PRR5: variants seen among roughly 807,000 people sequenced by gnomAD.
PRR5 encodes proline-rich protein 5.
Under a neutral mutation model 30.6 loss-of-function variants are expected in PRR5, and 25 were observed. The observed-to-expected ratio is 0.82, with a 90% confidence interval of 0.60 to 1.14. The LOEUF (loss-of-function observed/expected upper bound fraction) is 1.14, where lower values mean the gene tolerates loss of function less well. Ranked by LOEUF, PRR5 falls within the 50% of genes most tolerant of loss-of-function variation. The pLI, the probability that PRR5 is intolerant of heterozygous loss-of-function variation, is 0.00. For missense variants in PRR5, 600 were observed against 547.1 expected (o/e 1.10, Z -0.96); for synonymous variants, 286 against 247.1 (o/e 1.16, Z -1.48).
At chr22:44,682,704 T>C (rs1466238559) in intron 1 of PRR5, among the ~76,000 whole-genome samples, 3 of 152,158 alleles carry the variant, frequency 2.0e-5, no homozygotes, top group Non-Finnish European at 4.4e-5. Flanking sequence ...GACACGGGAA[T>C]GTCGCAGAGA....
intron 1 of PRR5, among the ~76,000 whole-genome samples, chr22:44,711,637 A>G (rs1432233728): frequency 6.6e-6 from 1 of 152,176 alleles, no homozygotes; most frequent in Admixed American, 6.5e-5. Flanking sequence ...CCCTGGCTAC[A>G]CCGCTGCACT....
chr22:44,737,252 T>A lies in PRR5; in HGVS notation c.*5T>A, dbSNP rs780791192. 6.3e-7 allele frequency: 1 copy of A among 1,591,602 alleles called. No individual in the cohort carries two copies. The highest frequency in any genetic ancestry group is 1.1e-5 in the South Asian group (1 of 89,260). ...GGCCGGCAGAGTGTCGTGTGAGGCC[T>A]CACAGCTGGCCTTGAGTTTTTACTG... On this transcript the variant is annotated 3_prime_UTR_variant, in exon 8 of 8. Transcript: ENST00000336985.
intron 4 of PRR5, 95 bp from the exon 5 acceptor site, chr22:44,731,635 C>A: frequency 7.7e-7 from 1 of 1,294,466 alleles, no homozygotes; most frequent in East Asian, 2.4e-5. Context: ...AGCCCAGGCC[C>A]TCCACTCCCG....
intron 2 of PRR5, among the ~76,000 whole-genome samples, chr22:44,716,422 G>C (rs747920873): frequency 6.6e-6 from 1 of 152,220 alleles, no homozygotes; most frequent in Non-Finnish European, 1.5e-5. Flanking sequence ...CGTAATTTCA[G>C]CACATTGGGA....
In PRR5 at chr22:44,731,684, T is replaced by A. The variant is rs767265677; in HGVS notation, c.323-46T>A. 3.1e-6 allele frequency: 5 copies of A among 1,597,560 alleles called. No homozygotes were observed. The South Asian group carries it at 5.5e-5, about 18-fold the overall frequency. On this transcript the variant is annotated intron_variant, in intron 4 of 7. Transcript: ENST00000336985. ...CCCATCCTGGGTGAGTGGAGGCATC[T>A]GCCCGCGCCAGTCAGGCCCAGTGGT...
intron 2 of PRR5, among the ~76,000 whole-genome samples, chr22:44,722,170 GT>G (rs1286432464): frequency 6.6e-6 from 1 of 152,210 alleles, no homozygotes; most frequent in Non-Finnish European, 1.5e-5. Flanking sequence ...AAGGGAGGAG[GT>G]TGGGCCTCAA....
rs1926436777 is a variant in PRR5, at chr22:44,702,284, C to T, written c.-191C>T. 2 of 1,145,300 alleles carry T rather than the reference C, an allele frequency of 1.7e-6. No homozygotes were observed. Among genetic ancestry groups the T allele is most frequent in the Non-Finnish European group, 2.2e-6 (2 of 929,470 alleles). The allele number at this position is 1,145,300 out of a possible 1,614,324, so 70.9% of individuals were successfully genotyped here. On this transcript the variant is annotated 5_prime_UTR_variant, in exon 1 of 8. Coordinates refer to ENST00000336985, the MANE Select transcript of PRR5 (RefSeq NM_181333.4). ...CCTCTCCGTGCAATGATTAACCCGG[C>T]GGGGCGGCCGGCGCGGGACCCGAGA...
chr22:44,679,636 G>T (rs1009920798), intron 1 of PRR5: 2 of 573,900 alleles, frequency 3.5e-6, no homozygotes, highest in Admixed American at 3.1e-5. Context: ...GAACCCAGGA[G>T]GCGCGGTTGC....
intron 1 of PRR5, among the ~76,000 whole-genome samples, chr22:44,669,248 T>C (rs1333648479): frequency 6.6e-6 from 1 of 151,942 alleles, no homozygotes; most frequent in Non-Finnish European, 1.5e-5. Flanking sequence ...TCCCTCGCCA[T>C]TGCTCCCCCT....
intron 2 of PRR5, among the ~76,000 whole-genome samples, chr22:44,721,236 A>G (rs2349643): frequency 1.3e-5 from 2 of 152,192 alleles, no homozygotes; most frequent in East Asian, 1.9e-4. Context: ...CACACTCCCC[A>G]GGGTGGGAGC....
chr22:44,685,306 C>A (rs1924645183), intron 1 of PRR5, among the ~76,000 whole-genome samples: 3 of 152,186 alleles, frequency 2.0e-5, no homozygotes, highest in Admixed American at 2.0e-4. Context: ...CTCAGTCTCA[C>A]CATCTGTAAA....
chr22:44,712,283 C>A (rs1168345004), intron 1 of PRR5, among the ~76,000 whole-genome samples: 1 of 152,212 alleles, frequency 6.6e-6, no homozygotes, highest in East Asian at 1.9e-4. Flanking sequence ...TCGGCCAGTG[C>A]CCGCTGAGAA....
intron 4 of PRR5, chr22:44,730,815 T>A (rs73418216): frequency 0.011 from 4,800 of 456,812 alleles, 193 homozygotes; most frequent in African/African-American, 0.087. Flanking sequence ...CCCTGGGTCC[T>A]CTGGGCCACT....
chr22:44,725,259 A>G lies in PRR5; in HGVS notation c.231A>G (p.Thr77=), dbSNP rs763587713. 6 of 1,613,790 alleles carry G rather than the reference A, an allele frequency of 3.7e-6. No individual in the cohort carries two copies. Among genetic ancestry groups the G allele is most frequent in the Admixed American group, 3.3e-5 (2 of 60,008 alleles). ...LNEGVRQLLK[T]ELGSFFTEYL... is the part of the protein sequence containing the mutation. ...CCACCCACAGGCAGCTGTTGAAGAC[A>G]GAGCTGGGGTCCTTCTTCACGGAGT... The change falls in exon 3 of 8, where the codon ACA becomes ACG. Residue 77 remains threonine (T), a synonymous_variant. Transcript: ENST00000336985.
chr22:44,734,803 C>A, intron 6 of PRR5: 1 of 625,086 alleles, frequency 1.6e-6, no homozygotes, highest in Non-Finnish European at 2.7e-6. Flanking sequence ...ACCATGGTCT[C>A]CCAGATCCCG....
chr22:44,702,587 G>A lies in PRR5; in HGVS notation c.113G>A (p.Cys38Tyr), dbSNP rs974704855. The change falls in exon 1 of 8, where the codon TGC becomes TAC. Residue 38 changes from cysteine to tyrosine, a missense_variant. Coordinates refer to ENST00000336985, the MANE Select transcript of PRR5 (RefSeq NM_181333.4). ...CGGGGCACGCAGCAGCGCCGGGCCT[G>A]CGCCAACGCCACCTGGAACAGGTAA... ...DERGTQQRRA[C>Y]ANATWNSIHN... is the part of the protein sequence containing the mutation. The A allele has an allele frequency of 2.9e-6, 4 of 1,382,370 alleles. No homozygotes were observed. Among genetic ancestry groups the A allele is most frequent in the African/African-American group, 3.1e-5 (2 of 65,444 alleles). 85.6% of individuals were successfully genotyped at this position (1,382,370 alleles called of 1,614,324 possible). A position where few individuals can be genotyped will look rare whatever the true frequency, so the allele number is the denominator to read the frequency against.
Position 44,718,084 on chromosome 22 carries a change from C to T in PRR5, c.215+3413C>T, listed in dbSNP as rs1405994822. 2.0e-5 allele frequency among the ~76,000 whole-genome samples: 3 copies of T among 152,136 alleles called. No individual in the cohort carries two copies. In the East Asian group the frequency reaches 5.8e-4, roughly 29 times the overall value. On this transcript the variant is annotated intron_variant, in intron 2 of 7. Transcript: ENST00000336985. ...GTATGGAAAGCACAGCATATCGCAT[C>T]CACCTCGGCTGATGGACGTGGGTTC...
At chr22:44,699,748 CA>C (rs1926085710), upstream of PRR5, among the ~76,000 whole-genome samples, 2 of 152,130 alleles carry the variant, frequency 1.3e-5, no homozygotes, top group Admixed American at 6.5e-5. Flanking sequence ...CGGTCAGAGA[CA>C]GGGGCAACTA....
intron 1 of PRR5, among the ~76,000 whole-genome samples, chr22:44,712,372 G>T (rs1928380991): frequency 6.6e-6 from 1 of 152,228 alleles, no homozygotes; most frequent in South Asian, 2.1e-4. Context: ...ACCTGGCACA[G>T]CCCCCATGCT....
Sources: gnomAD v4.1 joint callset for allele counts (sites outside exome capture counted in the v4.1 genomes callset) on GRCh38, gnomAD v4.1.1 for gene constraint, MANE v1.5 for transcripts, NCBI Gene and HGNC (gene_info 2026-07-23, HGNC 2026-07-21) for gene names.